ZFHX4: variants seen among roughly 807,000 people sequenced by gnomAD.
ZFHX4 encodes zinc finger homeobox 4.
A neutral mutation model predicts 267.6 loss-of-function variants in ZFHX4; 56 were observed. That is an observed-to-expected ratio of 0.21 (90% confidence interval 0.17 to 0.26). The LOEUF (loss-of-function observed/expected upper bound fraction) is 0.26. Among genes scored for constraint, ZFHX4 ranks in the 10% least tolerant of loss-of-function variants. The probability of loss-of-function intolerance (pLI) is 1.00; values close to 1 mark genes in which losing one functional copy is unlikely to be tolerated. For synonymous variants in ZFHX4, 1,778 were observed against 1,665.6 expected (o/e 1.07, Z -1.64); for missense variants, 4,332 against 4,420.0 (o/e 0.98, Z 0.56).
intron 3 of ZFHX4, among the ~76,000 whole-genome samples, chr8:76,763,431 T>A (rs1362208271): frequency 1.3e-5 from 2 of 152,158 alleles, no homozygotes; most frequent in African/African-American, 4.8e-5. Context: ...GAGATCAGGC[T>A]GGGCAATGTG....
intron 4 of ZFHX4, among the ~76,000 whole-genome samples, chr8:76,831,989 AT>A (rs1242763979): frequency 4.4e-5 from 5 of 114,124 alleles, no homozygotes; most frequent in Admixed American, 2.6e-4. Context: ...ATTTAACATA[AT>A]GGTTTTTTTA....
chr8:76,801,983 C>T (rs943982096), intron 4 of ZFHX4, among the ~76,000 whole-genome samples: 2 of 151,942 alleles, frequency 1.3e-5, no homozygotes, highest in African/African-American at 4.8e-5. Flanking sequence ...TTAAGCTTGG[C>T]GAAATGGTAC....
chr8:76,743,761 C>T (rs1315555455), intron 3 of ZFHX4, among the ~76,000 whole-genome samples: 1 of 152,130 alleles, frequency 6.6e-6, no homozygotes, highest in East Asian at 1.9e-4. Context: ...TGATCAGGAG[C>T]AGATGTATTA....
chr8:76,855,636 G>A lies in ZFHX4; in HGVS notation c.8715G>A (p.Ala2905=), dbSNP rs1288991703. The change falls in exon 10 of 11, where the codon GCG becomes GCA. Residue 2905 remains alanine (A), a synonymous_variant. Transcript: ENST00000651372. ...ACCGCAGCGAAACGTCCAGCATAGCGGACCCGAGCTCCCCAAATCCATTCG... is the reference window on the plus strand; with the variant it reads ...ACCGCAGCGAAACGTCCAGCATAGCAGACCCGAGCTCCCCAAATCCATTCG... ...NADRSETSSI[A]DPSSPNPFGS... is the part of the protein sequence containing the mutation. The A allele has an allele frequency of 1.9e-6, 3 of 1,613,674 alleles. No individual in the cohort carries two copies. The highest frequency in any genetic ancestry group is 1.7e-6 in the Non-Finnish European group (2 of 1,179,836).
chr8:76,695,152 C>G (rs1426721567), intron 1 of ZFHX4, among the ~76,000 whole-genome samples: 1 of 152,054 alleles, frequency 6.6e-6, no homozygotes, highest in Non-Finnish European at 1.5e-5. Context: ...AGGATAGGCA[C>G]ATTTCTGGAG....
Position 76,852,508 on chromosome 8 carries a change from GA to G in ZFHX4, c.5591del (p.Lys1864SerfsTer10). 6.2e-7 allele frequency: 1 copy of G among 1,604,144 alleles called. No individual in the cohort carries two copies. The highest frequency in any genetic ancestry group is 8.5e-7 in the Non-Finnish European group (1 of 1,175,038). ...PSYKEAEDIS[E>X]KPEKPKQEFI... Reference sequence around the variant, plus strand: ...TTATAAGGAGGCAGAAGATATTTCTGAAAAGCCAGAAAAACCAAAGCAGGAA... The same window carrying G: ...TTATAAGGAGGCAGAAGATATTTCTGAAAGCCAGAAAAACCAAAGCAGGAA... On this transcript the variant is annotated frameshift_variant, in exon 10 of 11. Coordinates refer to ENST00000651372, the MANE Select transcript of ZFHX4 (RefSeq NM_024721.5). LOFTEE classifies it high-confidence loss of function.
intron 3 of ZFHX4, among the ~76,000 whole-genome samples, chr8:76,730,815 T>A (rs1007088709): frequency 6.6e-6 from 1 of 152,172 alleles, no homozygotes; most frequent in Non-Finnish European, 1.5e-5. Context: ...AAAGAACTAA[T>A]AAGACATCTA....
chr8:76,704,238 C>A lies in ZFHX4; in HGVS notation c.150C>A (p.Asn50Lys). 2.5e-6 allele frequency: 4 copies of A among 1,613,960 alleles called. No individual in the cohort carries two copies. Among genetic ancestry groups the A allele is most frequent in the Non-Finnish European group, 3.4e-6 (4 of 1,179,890 alleles). ...PDRENSSTDD[N>K]LKTDERKSEA... ...GGGAAAACAGCTCCACAGATGACAA[C>A]CTGAAAACGGATGAGCGCAAAAGTG... is the stretch of plus-strand genomic sequence containing the variant. Residue 50 changes from asparagine (N) to lysine (K), a missense_variant, in exon 2 of 11, where the codon AAC (asparagine) becomes AAA (lysine). Transcript: ENST00000651372.
chr8:76,864,637 C>T lies in ZFHX4; in HGVS notation c.*72C>T. Reference sequence around the variant, plus strand: ...TAAAAAAAAAATAAGACTTTAACTGCAGTTCCAAAGCTTCTCTAACCCAAA... The same window carrying T: ...TAAAAAAAAAATAAGACTTTAACTGTAGTTCCAAAGCTTCTCTAACCCAAA... On this transcript the variant is annotated 3_prime_UTR_variant, in exon 11 of 11. Coordinates refer to ENST00000651372, the MANE Select transcript of ZFHX4 (RefSeq NM_024721.5). 8.3e-7 allele frequency: 1 copy of T among 1,208,766 alleles called. No homozygotes were observed. Among genetic ancestry groups the T allele is most frequent in the Admixed American group, 3.2e-5 (1 of 31,050 alleles). 74.9% of individuals were successfully genotyped at this position (1,208,766 alleles called of 1,614,324 possible). A position where few individuals can be genotyped will look rare whatever the true frequency, so the allele number is the denominator to read the frequency against.
At chr8:76,827,231 G>A (rs973075316) in intron 4 of ZFHX4, among the ~76,000 whole-genome samples, 3 of 152,184 alleles carry the variant, frequency 2.0e-5, no homozygotes, top group Non-Finnish European at 4.4e-5. Flanking sequence ...AGGAGCACAC[G>A]ACCTAGATCC....
intron 5 of ZFHX4, among the ~76,000 whole-genome samples, chr8:76,837,683 C>G (rs1459572514): frequency 1.3e-5 from 2 of 152,128 alleles, no homozygotes; most frequent in Non-Finnish European, 2.9e-5. Context: ...AGGCACTGTT[C>G]CAGCTGCTTT....
At chr8:76,764,849 T>C (rs1810010965) in intron 3 of ZFHX4, among the ~76,000 whole-genome samples, 1 of 152,334 alleles carries the variant, frequency 6.6e-6, no homozygotes, top group South Asian at 2.1e-4. Flanking sequence ...GGTTAAGCAG[T>C]GCCTCCCTAT....
At chr8:76,815,979 C>A (rs553315122) in intron 4 of ZFHX4, among the ~76,000 whole-genome samples, 5 of 152,156 alleles carry the variant, frequency 3.3e-5, no homozygotes, top group African/African-American at 9.7e-5. Context: ...GAGGTCTTGT[C>A]GTTAACCTTG....
chr8:76,818,967 T>C lies in ZFHX4; in HGVS notation c.3326-14371T>C, dbSNP rs567965843. Among the ~76,000 whole-genome samples the C allele has an allele frequency of 3.3e-5, 5 of 151,264 alleles. No homozygotes were observed. In the South Asian group the frequency reaches 1.1e-3, roughly 32 times the overall value. ...AAACTTACCAACTAAATAGAAGCAA[T>C]GAAGGAGGAGCCAAGGGTCCCACTA... On this transcript the variant is annotated intron_variant, in intron 4 of 10. Coordinates refer to ENST00000651372, the MANE Select transcript of ZFHX4 (RefSeq NM_024721.5).
chr8:76,783,734 G>C (rs909894373), intron 4 of ZFHX4, among the ~76,000 whole-genome samples: 1 of 151,742 alleles, frequency 6.6e-6, no homozygotes, highest in Non-Finnish European at 1.5e-5. Flanking sequence ...AATAAAGATG[G>C]GTTTTTATTT....
At chr8:76,815,468 G>T (rs530095701) in intron 4 of ZFHX4, among the ~76,000 whole-genome samples, 1 of 152,078 alleles carries the variant, frequency 6.6e-6, no homozygotes, top group South Asian at 2.1e-4. Context: ...ATGGTGGAAG[G>T]GATTAGCTAT....
chr8:76,754,027 G>A (rs934108523), intron 3 of ZFHX4, among the ~76,000 whole-genome samples: 1 of 152,076 alleles, frequency 6.6e-6, no homozygotes, highest in Non-Finnish European at 1.5e-5. Flanking sequence ...CTTGGAAAAA[G>A]TATTTAACCT....
At position 76,842,718 on chromosome 8, in the gene ZFHX4, A is replaced by G; in HGVS notation, c.3458A>G (p.Lys1153Arg). Residue 1153 changes from lysine (K) to arginine (R), a missense_variant, in exon 6 of 11, where the codon AAA becomes AGA. Transcript: ENST00000651372. Reference protein sequence around the residue: ...KPTAVAEDDEKDTSERDNSEG... With the variant: ...KPTAVAEDDERDTSERDNSEG... ...ACAGCAGTGGCCGAGGACGATGAAA[A>G]AGACACAAGTGAGAGAGACAATAGT... 1 of 1,555,058 alleles carries G rather than the reference A, an allele frequency of 6.4e-7. No homozygotes were observed. Among genetic ancestry groups the G allele is most frequent in the Non-Finnish European group, 8.7e-7 (1 of 1,149,028 alleles).
Position 76,705,107 on chromosome 8 carries a change from A to T in ZFHX4, c.1019A>T (p.Lys340Ile). 1.2e-6 allele frequency: 2 copies of T among 1,613,662 alleles called. No individual in the cohort carries two copies. The highest frequency in any genetic ancestry group is 2.7e-5 in the African/African-American group (2 of 74,972). The change falls in exon 2 of 11, where the codon AAA (lysine) becomes ATA (isoleucine). Residue 340 changes from lysine (K) to isoleucine (I), a missense_variant. Physicochemically the swap from Lys to Ile is moderately radical, Grantham distance 102. Coordinates refer to ENST00000651372, the MANE Select transcript of ZFHX4 (RefSeq NM_024721.5). ...EPLISFLEPKKSTSVYPHFST... is the reference protein window; with the variant it reads ...EPLISFLEPKISTSVYPHFST... ...CTTATAAGCTTTCTGGAACCAAAAA[A>T]ATCCACTTCTGTTTATCCCCATTTT...
Sources: gnomAD v4.1 joint callset for allele counts (sites outside exome capture counted in the v4.1 genomes callset) on GRCh38, gnomAD v4.1.1 for gene constraint, MANE v1.5 for transcripts, NCBI Gene and HGNC (gene_info 2026-07-23, HGNC 2026-07-21) for gene names.